ABCA6: variants seen among roughly 807,000 people sequenced by gnomAD.
ABCA6 encodes ATP binding cassette subfamily A member 6, also known as ATP-binding cassette sub-family A member 6.
In ABCA6, 164 loss-of-function variants were observed where a neutral mutation model predicts 191.2. The ratio of observed to expected loss-of-function variants is 0.86; its 90% CI spans 0.76 to 0.98. The LOEUF (loss-of-function observed/expected upper bound fraction) is 0.98, where lower values mean the gene tolerates loss of function less well. Among genes scored for constraint, ABCA6 ranks in the 50% least tolerant of loss-of-function variants. The pLI is 0.00. For missense variants in ABCA6, 1,958 were observed against 1,894.1 expected (o/e 1.03, Z -0.63); for synonymous variants, 636 against 647.7 (o/e 0.98, Z 0.27).
intron 10 of ABCA6, 120 bp from the exon 11 acceptor site, chr17:69,118,076 C>A: frequency 3.2e-6 from 2 of 622,772 alleles, no homozygotes; most frequent in South Asian, 2.3e-5. Context: ...TAAGGGATGG[C>A]ATAAACAGTC....
At chr17:69,141,039 T>C (rs2144732500) in intron 1 of ABCA6, among the ~76,000 whole-genome samples, 1 of 152,138 alleles carries the variant, frequency 6.6e-6, no homozygotes, top group South Asian at 2.1e-4. Flanking sequence ...GAGAGAACTT[T>C]AAGTACATGA....
intron 13 of ABCA6, 63 bp from the exon 14 acceptor site, chr17:69,113,800 G>C: frequency 6.8e-7 from 1 of 1,478,700 alleles, no homozygotes; most frequent in Non-Finnish European, 9.2e-7. Flanking sequence ...GCAGCCAAAA[G>C]ACACATGAAA....
intron 12 of ABCA6, 52 bp downstream of exon 12, chr17:69,115,324 A>T: frequency 1.3e-4 from 159 of 1,215,774 alleles, no homozygotes; most frequent in Middle Eastern, 1.9e-4. Context: ...CATATGCTTG[A>T]CCTCATTCTA....
At position 69,084,427 on chromosome 17, in the gene ABCA6, C is replaced by A; in HGVS notation, c.4260+5G>T. ...TCTCCATAGAGCATCACACACCGCA[C>A]GTACCTTTCTCGTGATTCCTGCTGT... On this transcript the variant is annotated splice_donor_5th_base_variant and intron_variant, in intron 33 of 38. Transcript: ENST00000284425. 1 of 1,614,142 alleles carries A rather than the reference C, an allele frequency of 6.2e-7. No individual in the cohort carries two copies. Among genetic ancestry groups the A allele is most frequent in the Middle Eastern group, 1.6e-4 (1 of 6,062 alleles).
intron 26 of ABCA6, among the ~76,000 whole-genome samples, chr17:69,090,068 G>T (rs985764726): frequency 2.0e-5 from 3 of 152,072 alleles, no homozygotes; most frequent in Non-Finnish European, 4.4e-5. Context: ...TATAATACAT[G>T]ACAGATCAAG....
chr17:69,108,993 GCCTTAGTC>G (rs2073364349), intron 17 of ABCA6: 1 of 152,148 alleles, frequency 6.6e-6, no homozygotes, highest in Non-Finnish European at 1.5e-5. Flanking sequence ...ACCTCACAGG[GCCTTAGTC>G]CAAGAACAAA....
chr17:69,136,261 C>A lies in ABCA6; in HGVS notation c.302-11G>T. ...CAATGACACTTGTTCCTGTGAATTA[C>A]AAGGTAAAAATAGACATAGAAAATT... is the stretch of plus-strand genomic sequence containing the variant. On this transcript the variant is annotated splice_polypyrimidine_tract_variant and intron_variant, in intron 3 of 38. Coordinates refer to ENST00000284425, the MANE Select transcript of ABCA6 (RefSeq NM_080284.3). The A allele has an allele frequency of 6.7e-7, 1 of 1,501,760 alleles. No individual in the cohort carries two copies. Among genetic ancestry groups the A allele is most frequent in the Non-Finnish European group, 8.9e-7 (1 of 1,125,658 alleles). The allele number at this position is 1,501,760 out of a possible 1,614,324, so 93.0% of individuals were successfully genotyped here. A position where few individuals can be genotyped will look rare whatever the true frequency, so the allele number is the denominator to read the frequency against.
At chr17:69,105,287 C>T (rs2073271617) in intron 20 of ABCA6, 175 bp downstream of exon 20, 5 of 636,256 alleles carry the variant, frequency 7.9e-6, no homozygotes, top group Non-Finnish European at 1.0e-5. Context: ...CCTCATCATC[C>T]CTGTCATCTC....
chr17:69,112,206 C>A lies in ABCA6; in HGVS notation c.2109G>T (p.Arg703Ser), dbSNP rs748848295. The change falls in exon 16 of 39, where the codon AGG becomes AGT. Residue 703 changes from arginine (R) to serine (S), a missense_variant. Physicochemically the swap from Arg to Ser is moderately radical, Grantham distance 110 (BLOSUM62 -1). Transcript: ENST00000284425. Reference sequence around the variant, plus strand: ...ACCTTAGGTGATATCCAAGACCCCACCTTCTTTTCAAAAACATAGAAGAAC... The same window carrying A: ...ACCTTAGGTGATATCCAAGACCCCAACTTCTTTTCAAAAACATAGAAGAAC... ...CAGSSMFLKRRWGLGYHLSLH... is the reference protein window; with the variant it reads ...CAGSSMFLKRSWGLGYHLSLH... 5.0e-5 allele frequency: 80 copies of A among 1,612,378 alleles called. No homozygotes were observed. The highest frequency in any genetic ancestry group is 6.4e-5 in the Non-Finnish European group (75 of 1,178,972).
chr17:69,078,894 T>A lies in ABCA6; in HGVS notation c.*79A>T. ...CCTGATGTTAATTTTAAATGATCTTTAAAATTAAACATACTATTAATTATT... is the reference window on the plus strand; with the variant it reads ...CCTGATGTTAATTTTAAATGATCTTAAAAATTAAACATACTATTAATTATT... On this transcript the variant is annotated 3_prime_UTR_variant, in exon 39 of 39. Coordinates refer to ENST00000284425, the MANE Select transcript of ABCA6 (RefSeq NM_080284.3). 1.3e-6 allele frequency: 1 copy of A among 785,914 alleles called. No homozygotes were observed. The highest frequency in any genetic ancestry group is 3.1e-5 in the East Asian group (1 of 32,600). The allele number at this position is 785,914 out of a possible 1,614,324, so 48.7% of individuals were successfully genotyped here. A position where few individuals can be genotyped will look rare whatever the true frequency, so the allele number is the denominator to read the frequency against.
At chr17:69,120,712 G>A (rs1269463416) in intron 10 of ABCA6, among the ~76,000 whole-genome samples, 2 of 152,144 alleles carry the variant, frequency 1.3e-5, no homozygotes, top group Middle Eastern at 3.4e-3. Context: ...TTTAGGAGGA[G>A]CTGTTGTTTC....
intron 34 of ABCA6, 62 bp downstream of exon 34, chr17:69,084,199 G>C: frequency 6.6e-7 from 1 of 1,516,530 alleles, no homozygotes; most frequent in Non-Finnish European, 9.1e-7. Flanking sequence ...TCCAAGACCA[G>C]TTAAAATATG....
Position 69,091,545 on chromosome 17 carries a change from C to T in ABCA6, c.3409-283G>A, listed in dbSNP as rs1350656036. On this transcript the variant is annotated intron_variant, in intron 25 of 38. Coordinates refer to ENST00000284425, the MANE Select transcript of ABCA6 (RefSeq NM_080284.3). Reference sequence around the variant, plus strand: ...CTTCTTTTTTTTTTTTTTTTTGAGACGGAGTCTCGCTCTGTCGCCCAGGCT... The same window carrying T: ...CTTCTTTTTTTTTTTTTTTTTGAGATGGAGTCTCGCTCTGTCGCCCAGGCT... Among the ~76,000 whole-genome samples the T allele has an allele frequency of 1.1e-4, 2 of 17,648 alleles. 1 individual carries two copies. The highest frequency in any genetic ancestry group is 1.1e-3 in the African/African-American group (2 of 1,890). 11.6% of individuals were successfully genotyped at this position (17,648 alleles called of 152,430 possible).
intron 29 of ABCA6, among the ~76,000 whole-genome samples, chr17:69,087,096 A>T (rs1178207073): frequency 6.6e-6 from 1 of 152,214 alleles, no homozygotes; most frequent in Admixed American, 6.5e-5. Context: ...TTGCAATTAT[A>T]GCCCTAATTA....
intron 11 of ABCA6, 105 bp from the exon 12 acceptor site, chr17:69,115,591 A>G: frequency 1.5e-6 from 1 of 646,338 alleles, no homozygotes; most frequent in African/African-American, 1.8e-5. Context: ...TTAGTGGCAT[A>G]TTTCTCAGCA....
At position 69,113,372 on chromosome 17, in the gene ABCA6, G is replaced by A. The variant is rs1448639205; in HGVS notation, c.1903-12C>T. 1 of 1,585,004 alleles carries A rather than the reference G, an allele frequency of 6.3e-7. No individual in the cohort carries two copies. Among genetic ancestry groups the A allele is most frequent in the South Asian group, 1.2e-5 (1 of 85,782 alleles). ...TCTAAAAGCAAAATCTACAGAGAAT[G>A]AAGATATATAAAATATGTCTCTCTT... On this transcript the variant is annotated splice_polypyrimidine_tract_variant and intron_variant, in intron 14 of 38. Coordinates refer to ENST00000284425, the MANE Select transcript of ABCA6 (RefSeq NM_080284.3).
chr17:69,102,839 TG>T lies in ABCA6; in HGVS notation c.2869del (p.Gln957LysfsTer22), dbSNP rs2073211120. 1 of 1,578,572 alleles carries T rather than the reference TG, an allele frequency of 6.3e-7. No individual in the cohort carries two copies. On this transcript the variant is annotated frameshift_variant, in exon 21 of 39. Transcript: ENST00000284425. LOFTEE classifies it high-confidence loss of function. ...YNGAIIVSGKQKDYRFSVVCN... is the reference protein window; with the variant it reads ...YNGAIIVSGKXKDYRFSVVCN... The stretch of plus-strand genomic sequence containing the variant: ...AAAGCAAAAAGGCAAACATACCTTT[TG>T]TTTACCAGAAACTATGATAGCTCCA...
chr17:69,137,610 T>C, intron 2 of ABCA6, 110 bp from the exon 3 acceptor site: 1 of 969,842 alleles, frequency 1.0e-6, no homozygotes, highest in South Asian at 1.8e-5. Context: ...TATACAGTTA[T>C]GTTCTCTCTG....
At chr17:69,083,435 A>G in intron 34 of ABCA6, 104 bp from the exon 35 acceptor site, 4 of 1,198,992 alleles carry the variant, frequency 3.3e-6, no homozygotes, top group Non-Finnish European at 4.4e-6. Flanking sequence ...AATGCAAAAA[A>G]ATAGTGCAAT....
Sources: gnomAD v4.1 joint callset for allele counts (sites outside exome capture counted in the v4.1 genomes callset) on GRCh38, gnomAD v4.1.1 for gene constraint, MANE v1.5 for transcripts, NCBI Gene and HGNC (gene_info 2026-07-23, HGNC 2026-07-21) for gene names.